The following CNTN5 variants were observed in gnomAD, a reference collection of about 807,000 sequenced individuals.
CNTN5 encodes contactin 5.
CNTN5 carries 77 observed loss-of-function variants against 129.1 expected under a neutral mutation model. The ratio of observed to expected loss-of-function variants is 0.60; its 90% confidence interval spans 0.50 to 0.72. CNTN5 has a LOEUF of 0.72. Ranked by LOEUF, CNTN5 falls within the 30% of genes least tolerant of loss-of-function variation. CNTN5 has a pLI of 0.00. For missense variants in CNTN5, 1,478 were observed against 1,328.8 expected (o/e 1.11, Z -1.75); for synonymous variants, 509 against 465.6 (o/e 1.09, Z -1.20).
intron 1 of CNTN5, among the ~76,000 whole-genome samples, chr11:99,138,842 T>C (rs1859365925): frequency 6.6e-6 from 1 of 152,160 alleles, no homozygotes; most frequent in African/African-American, 2.4e-5. Flanking sequence ...AAAACATAAA[T>C]GAAGCTAGCT....
At chr11:100,198,256 T>TACTA (rs776215744) in intron 15 of CNTN5, among the ~76,000 whole-genome samples, 1 of 151,890 alleles carries the variant, frequency 6.6e-6, no homozygotes, top group African/African-American at 2.4e-5. Flanking sequence ...TAAAAACAAT[T>TACTA]ACTAACTAAC....
At chr11:100,279,916 T>C (rs537927228) in intron 18 of CNTN5, among the ~76,000 whole-genome samples, 4 of 150,400 alleles carry the variant, frequency 2.7e-5, no homozygotes, top group African/African-American at 7.3e-5. Flanking sequence ...TTTTCTTTTT[T>C]TTTTTTTTTT....
intron 21 of CNTN5, among the ~76,000 whole-genome samples, chr11:100,326,231 A>C (rs1221238037): frequency 6.6e-6 from 1 of 152,188 alleles, no homozygotes; most frequent in East Asian, 1.9e-4. Context: ...AAAATGGTAG[A>C]CGTGAAAGAC....
At chr11:99,752,901 T>C (rs1401552976) in intron 3 of CNTN5, among the ~76,000 whole-genome samples, 1 of 152,124 alleles carries the variant, frequency 6.6e-6, no homozygotes. Flanking sequence ...AAGAATAGAA[T>C]ATACAAGTGA....
chr11:99,462,355 CTTTTCT>C (rs1324899198), intron 2 of CNTN5, among the ~76,000 whole-genome samples: 2 of 88,334 alleles, frequency 2.3e-5, no homozygotes, highest in Admixed American at 1.5e-4. Flanking sequence ...TTTTTCTTTT[CTTTTCT>C]TTTTTTTTTT....
At chr11:99,065,287 G>C (rs2135227654) in intron 1 of CNTN5, among the ~76,000 whole-genome samples, 1 of 152,198 alleles carries the variant, frequency 6.6e-6, no homozygotes, top group South Asian at 2.1e-4. Flanking sequence ...GACCATATTA[G>C]GAGCATGCTG....
chr11:99,070,725 T>A (rs895089672), intron 1 of CNTN5, among the ~76,000 whole-genome samples: 2 of 56,838 alleles, frequency 3.5e-5, no homozygotes, highest in Admixed American at 2.1e-4. Flanking sequence ...TTAAAATAAC[T>A]TTTTTTTTTT....
chr11:99,628,706 T>C (rs947632923), intron 3 of CNTN5, among the ~76,000 whole-genome samples: 5 of 141,268 alleles, frequency 3.5e-5, no homozygotes, highest in African/African-American at 7.7e-5. Context: ...ATAAATCTTA[T>C]AGGTAAGAAA....
intron 2 of CNTN5, among the ~76,000 whole-genome samples, chr11:99,404,829 G>T (rs749435450): frequency 1.3e-5 from 2 of 152,052 alleles, no homozygotes; most frequent in Non-Finnish European, 2.9e-5. Flanking sequence ...ACCTTCAGAT[G>T]ATTTCTTATT....
Position 99,718,972 on chromosome 11 carries a change from TAAAG to T in CNTN5, c.56-100568_56-100565del, listed in dbSNP as rs1943076415. ...ATAGAAAGGGCTTTTATATTCAAGA[TAAAG>T]AAAAAATGATAGAGTGATGTTCCAA... is the stretch of plus-strand genomic sequence containing the variant. On this transcript the variant is annotated intron_variant, in intron 3 of 24. Coordinates refer to ENST00000524871, the MANE Select transcript of CNTN5 (RefSeq NM_014361.4). Among the ~76,000 whole-genome samples the T allele has an allele frequency of 2.0e-5, 3 of 152,026 alleles. No homozygotes were observed. The South Asian group carries it at 6.2e-4, about 32-fold the overall frequency.
intron 1 of CNTN5, among the ~76,000 whole-genome samples, chr11:99,101,697 T>C (rs1866741659): frequency 6.6e-6 from 1 of 152,210 alleles, no homozygotes; most frequent in African/African-American, 2.4e-5. Context: ...TGGGCTCCCA[T>C]GACCTTGGGC....
chr11:99,260,354 C>T (rs1862570826), intron 1 of CNTN5, among the ~76,000 whole-genome samples: 1 of 151,552 alleles, frequency 6.6e-6, no homozygotes, highest in Non-Finnish European at 1.5e-5. Flanking sequence ...TGTACAATGC[C>T]TCCCTCATTA....
At chr11:99,939,130 T>C (rs1950379036) in intron 7 of CNTN5, among the ~76,000 whole-genome samples, 2 of 152,086 alleles carry the variant, frequency 1.3e-5, no homozygotes, top group Non-Finnish European at 2.9e-5. Context: ...GTCAACAAAA[T>C]ACCTTAAAAT....
chr11:100,314,037 A>G (rs773268880), intron 21 of CNTN5, among the ~76,000 whole-genome samples: 6 of 152,122 alleles, frequency 3.9e-5, no homozygotes, highest in African/African-American at 9.7e-5. Context: ...CAAGTTGTAG[A>G]CATTTAGTAA....
chr11:99,256,689 G>A (rs1425455315), intron 1 of CNTN5, among the ~76,000 whole-genome samples: 2 of 151,802 alleles, frequency 1.3e-5, no homozygotes, highest in African/African-American at 4.8e-5. Context: ...TCTTTTCAGT[G>A]GCTTCTATTA....
intron 1 of CNTN5, among the ~76,000 whole-genome samples, chr11:99,241,318 G>GTTTTTTTTTTTTTTTTTTTTTTT (rs10648459): frequency 3.4e-5 from 3 of 88,050 alleles, no homozygotes; most frequent in Non-Finnish European, 6.4e-5. Flanking sequence ...TTGATTGTTG[G>GTTTTTTTTTTTTTTTTTTTTTTT]TTTTTTTTTT....
At chr11:99,653,433 A>G (rs1465290756) in intron 3 of CNTN5, among the ~76,000 whole-genome samples, 1 of 152,014 alleles carries the variant, frequency 6.6e-6, no homozygotes, top group Non-Finnish European at 1.5e-5. Flanking sequence ...TTACATGTTC[A>G]TAGCTCCCCC....
intron 16 of CNTN5, among the ~76,000 whole-genome samples, chr11:100,230,787 A>G (rs1949471077): frequency 6.6e-6 from 1 of 152,196 alleles, no homozygotes; most frequent in African/African-American, 2.4e-5. Flanking sequence ...TGATGGGAGT[A>G]TTTTGCCATT....
In CNTN5 at chr11:99,266,543, A is replaced by G. The variant is rs145306842; in HGVS notation, c.-209-58803A>G. Among the ~76,000 whole-genome samples, 385 of 152,192 alleles carry G rather than the reference A, an allele frequency of 2.5e-3. 2 individuals are homozygous for G. Among genetic ancestry groups the G allele is most frequent in the African/African-American group, 8.6e-3 (356 of 41,558 alleles). On this transcript the variant is annotated intron_variant, in intron 1 of 24. Transcript: ENST00000524871. ...CTTGATCCTAGGAGTTTGAGGCTGT[A>G]GTGAGTAATCATTGCACCACGGCAC...
Sources: gnomAD v4.1 joint callset for allele counts (sites outside exome capture counted in the v4.1 genomes callset) on GRCh38, gnomAD v4.1.1 for gene constraint, MANE v1.5 for transcripts, NCBI Gene and HGNC (gene_info 2026-07-23, HGNC 2026-07-21) for gene names.